The following GPATCH2 variants were observed in gnomAD, a reference collection of about 807,000 sequenced individuals.
The protein encoded by GPATCH2 is G-patch domain containing 2.
In GPATCH2, 51 loss-of-function variants were observed where a neutral mutation model predicts 58.0. The ratio of observed to expected loss-of-function variants is 0.88; its 90% CI spans 0.70 to 1.11. The LOEUF is 1.11. GPATCH2 is among the 50% of genes most tolerant of loss of function. GPATCH2 has a pLI of 0.00. For missense variants in GPATCH2, 625 were observed against 652.2 expected (o/e 0.96, Z 0.45); for synonymous variants, 222 against 218.5 (o/e 1.02, Z -0.14).
At chr1:217,442,003 A>G (rs1659167249) in intron 9 of GPATCH2, among the ~76,000 whole-genome samples, 1 of 152,210 alleles carries the variant, frequency 6.6e-6, no homozygotes, top group African/African-American at 2.4e-5. Flanking sequence ...TATATATCCA[A>G]AGGAATATAA....
At position 217,448,684 on chromosome 1, in the gene GPATCH2, T is replaced by G. The variant is rs148141802; in HGVS notation, c.1366+565A>C. Among the ~76,000 whole-genome samples, 409 of 152,328 alleles carry G rather than the reference T, an allele frequency of 2.7e-3. 2 individuals carry two copies. The highest frequency in any genetic ancestry group is 9.5e-3 in the African/African-American group (394 of 41,582). On this transcript the variant is annotated intron_variant, in intron 9 of 9. Coordinates refer to ENST00000366935, the MANE Select transcript of GPATCH2 (RefSeq NM_018040.5). ...CTCAATACCACGCTCATTATTAGAA[T>G]GGCATATTATTAGAACGACATGATT...
intron 1 of GPATCH2, among the ~76,000 whole-genome samples, chr1:217,629,500 A>G (rs1333885961): frequency 1.3e-5 from 2 of 152,132 alleles, no homozygotes; most frequent in African/African-American, 4.8e-5. Context: ...CACCTACCCT[A>G]CAAATCAATA....
At chr1:217,612,485 A>G (rs1668681896) in intron 3 of GPATCH2, among the ~76,000 whole-genome samples, 1 of 152,182 alleles carries the variant, frequency 6.6e-6, no homozygotes. Flanking sequence ...AATTAAAGGC[A>G]TTTCAAAAAT....
chr1:217,567,441 T>C (rs1479547256), intron 5 of GPATCH2, among the ~76,000 whole-genome samples: 5 of 152,214 alleles, frequency 3.3e-5, no homozygotes, highest in Non-Finnish European at 5.9e-5. Context: ...TAATGTCTTA[T>C]ACATTTTGAA....
intron 8 of GPATCH2, among the ~76,000 whole-genome samples, chr1:217,463,497 T>G (rs1209056944): frequency 6.6e-6 from 1 of 151,840 alleles, no homozygotes. Context: ...TTTAAGGCAA[T>G]GAGAAGCCAT....
intron 5 of GPATCH2, among the ~76,000 whole-genome samples, chr1:217,524,244 C>T (rs1296465462): frequency 9.7e-6 from 1 of 103,338 alleles, no homozygotes; most frequent in Non-Finnish European, 2.4e-5. Flanking sequence ...GGCAGAGGGT[C>T]TCCTCACTTC....
intron 2 of GPATCH2, among the ~76,000 whole-genome samples, chr1:217,619,135 A>G (rs1220381217): frequency 6.6e-6 from 1 of 152,204 alleles, no homozygotes; most frequent in African/African-American, 2.4e-5. Context: ...GCATCACTTC[A>G]TCATTTCAGT....
chr1:217,434,380 T>A (rs1352612287), intron 9 of GPATCH2, among the ~76,000 whole-genome samples: 1 of 152,228 alleles, frequency 6.6e-6, no homozygotes, highest in African/African-American at 2.4e-5. Flanking sequence ...AAGCAGTTAA[T>A]TTTTTATTTT....
At chr1:217,625,930 G>C (rs1161576226) in intron 1 of GPATCH2, among the ~76,000 whole-genome samples, 1 of 152,142 alleles carries the variant, frequency 6.6e-6, no homozygotes, top group Non-Finnish European at 1.5e-5. Context: ...GTTGCAGTGA[G>C]TCAAGATCAC....
At chr1:217,480,103 C>T (rs1478017116) in intron 8 of GPATCH2, among the ~76,000 whole-genome samples, 3 of 151,742 alleles carry the variant, frequency 2.0e-5, no homozygotes, top group Non-Finnish European at 4.4e-5. Context: ...AGTAATACCC[C>T]ATGAGCAAAG....
chr1:217,433,746 A>C (rs1487547352), intron 9 of GPATCH2, among the ~76,000 whole-genome samples: 2 of 152,184 alleles, frequency 1.3e-5, no homozygotes, highest in Non-Finnish European at 2.9e-5. Context: ...TTTCACAGTA[A>C]AAAATAAAAT....
Position 217,626,053 on chromosome 1 carries a change from A to G in GPATCH2, c.56+4863T>C, listed in dbSNP as rs1350340085. On this transcript the variant is annotated intron_variant, in intron 1 of 9. Coordinates refer to ENST00000366935, the MANE Select transcript of GPATCH2 (RefSeq NM_018040.5). ...ATTAGGTATCTAATTAAGGAAGAGG[A>G]AAGTAAATATTGTTTATCACCTAGT... Among the ~76,000 whole-genome samples, 4 of 152,306 alleles carry G rather than the reference A, an allele frequency of 2.6e-5. No individual in the cohort carries two copies. The South Asian group carries it at 6.2e-4, about 24-fold the overall frequency.
At chr1:217,522,848 A>G (rs934380116) in intron 5 of GPATCH2, among the ~76,000 whole-genome samples, 5 of 151,764 alleles carry the variant, frequency 3.3e-5, no homozygotes, top group African/African-American at 1.2e-4. Flanking sequence ...ACACACACAC[A>G]CACAACTTCT....
intron 5 of GPATCH2, among the ~76,000 whole-genome samples, chr1:217,571,988 GGAAGGAAGGAAA>G (rs1486276477): frequency 2.8e-5 from 4 of 140,752 alleles, no homozygotes; most frequent in Non-Finnish European, 4.7e-5. Context: ...AAAGAAGGAA[GGAAGGAAGGAAA>G]GAAGGAAGGA....
At chr1:217,531,660 C>T (rs955792635) in intron 5 of GPATCH2, among the ~76,000 whole-genome samples, 2 of 152,116 alleles carry the variant, frequency 1.3e-5, no homozygotes, top group African/African-American at 4.8e-5. Flanking sequence ...GAAAGAGATG[C>T]TCATTACTAT....
intron 5 of GPATCH2, among the ~76,000 whole-genome samples, chr1:217,532,605 G>A (rs11589831): frequency 0.36 from 54,231 of 151,800 alleles, 10,578 homozygotes; most frequent in Non-Finnish European, 0.43. Flanking sequence ...AAAATGAAAT[G>A]AAATAAATAA....
chr1:217,475,098 A>G (rs1458863845), intron 8 of GPATCH2, among the ~76,000 whole-genome samples: 1 of 152,170 alleles, frequency 6.6e-6, no homozygotes, highest in Non-Finnish European at 1.5e-5. Context: ...AGAAAAAAAT[A>G]TGCACTCACA....
At chr1:217,465,732 C>T (rs1660419601) in intron 8 of GPATCH2, among the ~76,000 whole-genome samples, 1 of 152,192 alleles carries the variant, frequency 6.6e-6, no homozygotes, top group South Asian at 2.1e-4. Flanking sequence ...AAATCTCTTT[C>T]TTCCCAGTCT....
chr1:217,609,846 A>G, intron 5 of GPATCH2: 1 of 1,012,808 alleles, frequency 9.9e-7, no homozygotes, highest in Non-Finnish European at 1.2e-6. Context: ...CTTTGTTAGC[A>G]TTTTGGCAAA....
Sources: allele counts gnomAD v4.1 joint callset (sites outside exome capture counted in the v4.1 genomes callset), GRCh38; gene constraint gnomAD v4.1.1; transcripts MANE v1.5; gene names NCBI Gene and HGNC (gene_info 2026-07-23, HGNC 2026-07-21).